The following PDIA3 variants were observed in gnomAD, a reference collection of about 807,000 sequenced individuals.
PDIA3 encodes the protein protein disulfide isomerase family A member 3, also known as protein disulfide-isomerase A3.
A neutral mutation model predicts 56.9 loss-of-function variants in PDIA3; 16 were observed. The observed-to-expected ratio is 0.28, with a 90% confidence interval of 0.19 to 0.43. The LOEUF is 0.43. Among genes scored for constraint, PDIA3 ranks in the 20% least tolerant of loss-of-function variants. The probability of loss-of-function intolerance (pLI) is 1.00; values close to 1 mark genes in which losing one functional copy is unlikely to be tolerated. For missense variants in PDIA3, 485 were observed against 621.3 expected, an observed-to-expected ratio of 0.78 and a Z score of 2.33; for synonymous variants, 192 against 216.5, an observed-to-expected ratio of 0.89 and a Z score of 0.99.
rs149241016 is a variant in PDIA3 at position 43,766,652 on chromosome 15, A to G, written c.846-76A>G. On this transcript the variant is annotated intron_variant, in intron 7 of 12. Coordinates refer to ENST00000300289, the MANE Select transcript of PDIA3 (RefSeq NM_005313.5). ...TATAGAACTTAGTCTTTGCTTTCCA[A>G]TCACTTGCTTCTTAGTTTCAAAAGT... The G allele has an allele frequency of 5.6e-4, 655 of 1,160,036 alleles. 3 individuals are homozygous for G. The highest frequency in any genetic ancestry group is 4.8e-3 in the Middle Eastern group (24 of 5,010). 71.9% of individuals were successfully genotyped at this position (1,160,036 alleles called of 1,614,324 possible).
intron 3 of PDIA3, 26 bp downstream of exon 3, chr15:43,756,792 A>C (rs199781078): frequency 1.4e-5 from 17 of 1,210,844 alleles, no homozygotes; most frequent in Admixed American, 1.4e-4. Flanking sequence ...TACATTCTGG[A>C]AACTGATGTT....
chr15:43,764,503 T>C (rs1014827261), intron 5 of PDIA3, among the ~76,000 whole-genome samples: 1 of 152,182 alleles, frequency 6.6e-6, no homozygotes, highest in African/African-American at 2.4e-5. Flanking sequence ...GTCTCGCCCT[T>C]GTTGCCCAGG....
intron 5 of PDIA3, among the ~76,000 whole-genome samples, chr15:43,764,768 C>T (rs923790616): frequency 6.6e-6 from 1 of 152,060 alleles, no homozygotes; most frequent in African/African-American, 2.4e-5. Context: ...ACACCCAGCC[C>T]GCTATTGTTT....
chr15:43,746,877 G>C, intron 1 of PDIA3, 171 bp downstream of exon 1: 1 of 735,406 alleles, frequency 1.4e-6, no homozygotes, highest in Non-Finnish European at 2.2e-6. Context: ...CGAGAGCGGG[G>C]GAGTCGGTGC....
intron 1 of PDIA3, among the ~76,000 whole-genome samples, chr15:43,749,208 C>G (rs2086727921): frequency 6.6e-6 from 1 of 152,104 alleles, no homozygotes. Flanking sequence ...ATTCTCCTGC[C>G]TCAGCCTCCT....
chr15:43,754,255 G>A (rs28517525), intron 2 of PDIA3, among the ~76,000 whole-genome samples: 2,687 of 152,116 alleles, frequency 0.018, 86 homozygotes, highest in African/African-American at 0.062. Flanking sequence ...TTAGCTGGGT[G>A]TGATGGCACG....
intron 3 of PDIA3, among the ~76,000 whole-genome samples, 165 bp downstream of exon 3, chr15:43,756,931 T>G (rs559439428): frequency 1.3e-5 from 2 of 152,352 alleles, no homozygotes; most frequent in Admixed American, 6.5e-5. Context: ...ATGAACAGAT[T>G]ATATAAGTAA....
intron 1 of PDIA3, among the ~76,000 whole-genome samples, chr15:43,748,042 AGGGGGTGTCAATAATTTGTAAAAACT>A (rs1204623571): frequency 6.6e-6 from 1 of 152,164 alleles, no homozygotes; most frequent in Non-Finnish European, 1.5e-5. Flanking sequence ...GTTAGCTTTG[AGGGGGTGTCAATAATTTGTAAAAACT>A]GGGGGTGTCA....
chr15:43,766,251 A>C (rs2086847109), intron 7 of PDIA3, among the ~76,000 whole-genome samples: 1 of 152,196 alleles, frequency 6.6e-6, no homozygotes, highest in Non-Finnish European at 1.5e-5. Flanking sequence ...AAATGGCTAC[A>C]TTTGAAGCCA....
intron 7 of PDIA3, among the ~76,000 whole-genome samples, chr15:43,766,414 G>T (rs938401992): frequency 2.0e-5 from 3 of 152,116 alleles, no homozygotes; most frequent in African/African-American, 7.2e-5. Flanking sequence ...GCCTCTCAGT[G>T]CATTTTACCC....
chr15:43,746,660 G>T lies in PDIA3; in HGVS notation c.121G>T (p.Asp41Tyr), dbSNP rs4080719. 57 of 1,612,648 alleles carry T rather than the reference G, an allele frequency of 3.5e-5. No individual in the cohort carries two copies. The highest frequency in any genetic ancestry group is 8.0e-5 in the African/African-American group (6 of 74,932). The change falls in exon 1 of 13, where the codon GAC (aspartate) becomes TAC (tyrosine). Residue 41 changes from aspartate (D) to tyrosine (Y), a missense_variant. Physicochemically the swap from Asp to Tyr is radical, Grantham distance 160. Transcript: ENST00000300289. Reference protein sequence around the residue: ...TDDNFESRISDTGSAGLMLVE... With the variant: ...TDDNFESRISYTGSAGLMLVE... ...CGACAACTTCGAGAGTCGCATCTCCGACACGGGCTCTGCGGGCCTCATGCT... is the reference window on the plus strand; with the variant it reads ...CGACAACTTCGAGAGTCGCATCTCCTACACGGGCTCTGCGGGCCTCATGCT...
intron 2 of PDIA3, among the ~76,000 whole-genome samples, chr15:43,754,799 A>G (rs931104100): frequency 6.6e-6 from 1 of 151,896 alleles, no homozygotes; most frequent in Non-Finnish European, 1.5e-5. Flanking sequence ...ACATGGCAAA[A>G]TTCCATCTCT....
At chr15:43,764,987 GTTA>G (rs916842668) in intron 5 of PDIA3, among the ~76,000 whole-genome samples, 77 of 152,302 alleles carry the variant, frequency 5.1e-4, no homozygotes, top group African/African-American at 1.7e-3. Context: ...GCATCTTAGT[GTTA>G]ATGAGAAGGT....
intron 5 of PDIA3, among the ~76,000 whole-genome samples, chr15:43,764,869 T>C (rs1008540226): frequency 7.2e-5 from 11 of 152,148 alleles, no homozygotes; most frequent in African/African-American, 2.7e-4. Flanking sequence ...GTCCAACGTG[T>C]TTGGAATTAG....
At chr15:43,748,079 C>T (rs2141640878) in intron 1 of PDIA3, among the ~76,000 whole-genome samples, 1 of 152,262 alleles carries the variant, frequency 6.6e-6, no homozygotes, top group South Asian at 2.1e-4. Flanking sequence ...GGGGGTGTCA[C>T]TAAGTTTGTC....
Position 43,773,247 on chromosome 15 carries a change from T to C in PDIA3, c.*2029T>C. Reference sequence around the variant, plus strand: ...TACTGCTGCAGAGAAAAAGCATCCATGTCAAAAAGTAAAAATTCTCATTCT... The same window carrying C: ...TACTGCTGCAGAGAAAAAGCATCCACGTCAAAAAGTAAAAATTCTCATTCT... On this transcript the variant is annotated 3_prime_UTR_variant, in exon 13 of 13. Transcript: ENST00000300289. The C allele has an allele frequency of 6.2e-7, 1 of 1,613,746 alleles. No homozygotes were observed. Among genetic ancestry groups the C allele is most frequent in the Non-Finnish European group, 8.5e-7 (1 of 1,179,900 alleles).
intron 12 of PDIA3, 37 bp downstream of exon 12, chr15:43,770,617 A>G (rs1165103563): frequency 8.2e-7 from 1 of 1,219,322 alleles, no homozygotes; most frequent in Non-Finnish European, 1.2e-6. Context: ...AAATATATAC[A>G]CAGACGTAAA....
chr15:43,769,862 T>C (rs1003960354), intron 10 of PDIA3, among the ~76,000 whole-genome samples: 1 of 152,222 alleles, frequency 6.6e-6, no homozygotes, highest in Admixed American at 6.5e-5. Flanking sequence ...TCAGGCTCAA[T>C]CTAGATAATG....
At chr15:43,760,899 A>G (rs1567157603) in intron 3 of PDIA3, among the ~76,000 whole-genome samples, 1 of 151,940 alleles carries the variant, frequency 6.6e-6, no homozygotes, top group Non-Finnish European at 1.5e-5. Flanking sequence ...AGCTATGTAT[A>G]TATAATTGCC....
Sources: gnomAD v4.1 joint callset for allele counts (sites outside exome capture counted in the v4.1 genomes callset) on GRCh38, gnomAD v4.1.1 for gene constraint, MANE v1.5 for transcripts, NCBI Gene and HGNC (gene_info 2026-07-23, HGNC 2026-07-21) for gene names.